CRADD: variants seen among roughly 807,000 people sequenced by gnomAD.
CRADD encodes death domain-containing protein CRADD.
In CRADD, 9 loss-of-function variants were observed where a neutral mutation model predicts 15.5. The ratio of observed to expected loss-of-function variants is 0.58; its 90% confidence interval spans 0.35 to 1.01. CRADD has a LOEUF of 1.01. Ranked by LOEUF, CRADD falls within the 50% of genes least tolerant of loss-of-function variation. The probability of loss-of-function intolerance (pLI) is 0.02; values close to 1 mark genes in which losing one functional copy is unlikely to be tolerated. For missense variants in CRADD, 227 were observed against 250.3 expected (o/e 0.91, Z 0.63); for synonymous variants, 118 against 107.6 (o/e 1.10, Z -0.60).
At chr12:93,862,468 G>T (rs1958326454) in intron 2 of CRADD, among the ~76,000 whole-genome samples, 2 of 152,154 alleles carry the variant, frequency 1.3e-5, no homozygotes, top group African/African-American at 2.4e-5. Context: ...CGGGAGTGTG[G>T]AGTAAGTGGA....
At chr12:93,782,694 TTTTTTTTTAAACAGGC>T (rs1957225514) in intron 2 of CRADD, among the ~76,000 whole-genome samples, 2 of 150,128 alleles carry the variant, frequency 1.3e-5, no homozygotes, top group African/African-American at 2.5e-5. Context: ...AAAAAATGCC[TTTTTTTTTAAACAGGC>T]AAAAATAAAA....
At chr12:93,885,405 C>A (rs1958529335) in intron 2 of CRADD, among the ~76,000 whole-genome samples, 1 of 152,178 alleles carries the variant, frequency 6.6e-6, no homozygotes, top group African/African-American at 2.4e-5. Context: ...AAGAAACTGA[C>A]ATCCCTAGGG....
At chr12:93,747,365 C>T (rs1218647424) in intron 2 of CRADD, among the ~76,000 whole-genome samples, 1 of 152,084 alleles carries the variant, frequency 6.6e-6, no homozygotes, top group Non-Finnish European at 1.5e-5. Flanking sequence ...GGGCATGAGA[C>T]AGGGAGACGG....
At chr12:93,853,049 A>G (rs1958241775), downstream of CRADD, among the ~76,000 whole-genome samples, 1 of 152,130 alleles carries the variant, frequency 6.6e-6, no homozygotes, top group East Asian at 1.9e-4. Context: ...CTGTCCTCCA[A>G]TTAGTTTTCT....
chr12:93,840,454 A>T (rs1367992056), intron 2 of CRADD, among the ~76,000 whole-genome samples: 1 of 152,158 alleles, frequency 6.6e-6, no homozygotes, highest in African/African-American at 2.4e-5. Context: ...CTAATAGATT[A>T]TCTGCTAATC....
chr12:93,769,749 C>G (rs969424727), intron 2 of CRADD, among the ~76,000 whole-genome samples: 1 of 152,178 alleles, frequency 6.6e-6, no homozygotes, highest in Non-Finnish European at 1.5e-5. Context: ...CTAATGAGCA[C>G]ATTTTCATAT....
chr12:93,830,899 C>A (rs1957889780), intron 2 of CRADD, among the ~76,000 whole-genome samples: 1 of 152,208 alleles, frequency 6.6e-6, no homozygotes, highest in Non-Finnish European at 1.5e-5. Context: ...TTGCCCATTT[C>A]TGTATCGTTA....
rs373572709 is a variant in CRADD at position 93,701,295 on chromosome 12, G to GGCACAC, written c.298+22223_298+22224insGCACAC. On this transcript the variant is annotated intron_variant, in intron 2 of 2. Transcript: ENST00000332896. ...CATATCCTTCTCTCTCTCTCTCTGT[G>GGCACAC]ACACACACACACACACACACACACA... Among the ~76,000 whole-genome samples the GGCACAC allele has an allele frequency of 1.4e-3, 197 of 143,460 alleles. 1 individual carries two copies. The highest frequency in any genetic ancestry group is 5.0e-3 in the African/African-American group (193 of 38,440). 94.1% of individuals were successfully genotyped at this position (143,460 alleles called of 152,430 possible).
In CRADD at chr12:93,893,899, C is replaced by CA. The variant is rs1236338285; in HGVS notation, c.299-145dup. ...TGGGCGACAGAGCAAGACTCCATCT[C>CA]AAAAAAGAAAAAAAAAAAAATAAGC... On this transcript the variant is annotated intron_variant, in intron 2 of 2. Coordinates refer to the CRADD transcript ENST00000548483. 20 of 602,488 alleles carry CA rather than the reference C, an allele frequency of 3.3e-5. No homozygotes were observed. The East Asian group carries it at 5.7e-4, about 17-fold the overall frequency. The allele number at this position is 602,488 out of a possible 1,614,324, so 37.3% of individuals were successfully genotyped here. A position where few individuals can be genotyped will look rare whatever the true frequency, so the allele number is the denominator to read the frequency against.
chr12:93,787,771 G>A (rs1386167871), intron 2 of CRADD, among the ~76,000 whole-genome samples: 1 of 152,186 alleles, frequency 6.6e-6, no homozygotes, highest in African/African-American at 2.4e-5. Context: ...AAAGAGTTCT[G>A]TAGTGTGGCC....
At chr12:93,773,326 C>T (rs1173872213) in intron 2 of CRADD, among the ~76,000 whole-genome samples, 1 of 152,024 alleles carries the variant, frequency 6.6e-6, no homozygotes, top group Non-Finnish European at 1.5e-5. Context: ...TGGGGGCAGG[C>T]CTTTCCTGTG....
At chr12:93,796,458 G>T (rs896618617) in intron 2 of CRADD, among the ~76,000 whole-genome samples, 1 of 151,748 alleles carries the variant, frequency 6.6e-6, no homozygotes, top group Non-Finnish European at 1.5e-5. Context: ...TACAAAAATT[G>T]GCAGGGCATG....
At chr12:93,757,528 T>G (rs1318240247) in intron 2 of CRADD, among the ~76,000 whole-genome samples, 1 of 152,258 alleles carries the variant, frequency 6.6e-6, no homozygotes, top group African/African-American at 2.4e-5. Context: ...TCAGCAGTGC[T>G]CTGGAAAATT....
intron 2 of CRADD, among the ~76,000 whole-genome samples, chr12:93,870,400 A>G (rs1313865796): frequency 6.6e-6 from 1 of 152,132 alleles, no homozygotes; most frequent in Non-Finnish European, 1.5e-5. Context: ...AACTAAGAAA[A>G]TGAGGACGGG....
chr12:93,889,472 G>A (rs890801323), intron 2 of CRADD, among the ~76,000 whole-genome samples: 1 of 152,034 alleles, frequency 6.6e-6, no homozygotes, highest in Non-Finnish European at 1.5e-5. Context: ...AGATAAAAGG[G>A]GGCATCTTTT....
rs1055298395 is a variant in CRADD, at chr12:93,714,078, C to T, written c.298+35006C>T. Among the ~76,000 whole-genome samples the T allele has an allele frequency of 4.6e-5, 7 of 152,040 alleles. 1 individual carries two copies. Among genetic ancestry groups the T allele is most frequent in the Admixed American group, 2.0e-4 (3 of 15,258 alleles). On this transcript the variant is annotated intron_variant, in intron 2 of 2. Coordinates refer to ENST00000332896, the MANE Select transcript of CRADD (RefSeq NM_003805.5). ...GTTCTGTGTTTCTCAAAAGGTCGAA[C>T]GAAGACATAGAAAAAGCAAGTTAAT... is the stretch of plus-strand genomic sequence containing the variant.
chr12:93,813,373 A>G (rs1296765601), intron 2 of CRADD, among the ~76,000 whole-genome samples: 1 of 152,222 alleles, frequency 6.6e-6, no homozygotes, highest in Non-Finnish European at 1.5e-5. Context: ...ATCTTCCACA[A>G]CTTCTTTCTT....
intron 2 of CRADD, among the ~76,000 whole-genome samples, chr12:93,882,047 C>G (rs1287439005): frequency 3.9e-5 from 6 of 152,090 alleles, no homozygotes; most frequent in Admixed American, 2.6e-4. Flanking sequence ...TCGCTTGAAC[C>G]CATGAGGCAG....
chr12:93,768,732 G>A (rs779018061), intron 2 of CRADD, among the ~76,000 whole-genome samples: 7 of 152,120 alleles, frequency 4.6e-5, no homozygotes, highest in Non-Finnish European at 8.8e-5. Flanking sequence ...GATCCTAAGT[G>A]TACAACTCAG....
Sources: gnomAD v4.1 joint callset for allele counts (sites outside exome capture counted in the v4.1 genomes callset) on GRCh38, gnomAD v4.1.1 for gene constraint, MANE v1.5 for transcripts, NCBI Gene and HGNC (gene_info 2026-07-23, HGNC 2026-07-21) for gene names.